Variants in MDGA2 observed in about 807,000 individuals in gnomAD.
MDGA2 encodes MAM domain containing glycosylphosphatidylinositol anchor 2, also known as MAM domain-containing glycosylphosphatidylinositol anchor protein 2.
MDGA2 carries 40 observed loss-of-function variants against 117.8 expected under a neutral mutation model. The ratio of observed to expected loss-of-function variants is 0.34; its 90% CI spans 0.26 to 0.44. The LOEUF (loss-of-function observed/expected upper bound fraction) is 0.44. Ranked by LOEUF, MDGA2 falls within the 20% of genes least tolerant of loss-of-function variation. MDGA2 has a pLI of 1.00. For missense variants in MDGA2, 1,123 were observed against 1,250.6 expected, an observed-to-expected ratio of 0.90 and a Z score of 1.54; for synonymous variants, 452 against 439.0, an observed-to-expected ratio of 1.03 and a Z score of -0.37.
intron 1 of MDGA2, among the ~76,000 whole-genome samples, chr14:47,503,809 T>C (rs776417173): frequency 1.4e-4 from 22 of 152,310 alleles, no homozygotes; most frequent in Non-Finnish European, 2.8e-4. Flanking sequence ...CTCTGGAATA[T>C]GGTTGAGTGG....
At chr14:47,141,029 C>T (rs928497283) in intron 4 of MDGA2, among the ~76,000 whole-genome samples, 2 of 152,004 alleles carry the variant, frequency 1.3e-5, no homozygotes, top group East Asian at 1.9e-4. Context: ...AAATGACCAA[C>T]AGTTATGTGA....
chr14:46,996,962 G>T, intron 8 of MDGA2: 2 of 403,176 alleles, frequency 5.0e-6, no homozygotes, highest in South Asian at 4.4e-5. Flanking sequence ...AACTTTGGTG[G>T]GAATAGCTTC....
chr14:47,268,925 T>G (rs1234684072), intron 2 of MDGA2, among the ~76,000 whole-genome samples: 1 of 131,608 alleles, frequency 7.6e-6, no homozygotes, highest in Non-Finnish European at 1.6e-5. Flanking sequence ...TATGCTTTAC[T>G]TTTTCTGTAA....
intron 1 of MDGA2, among the ~76,000 whole-genome samples, chr14:47,461,265 A>ATGTGTGTGTG (rs1415422668): frequency 1.7e-3 from 23 of 13,298 alleles, no homozygotes; most frequent in South Asian, 9.4e-3. Context: ...AGTTAAAAAA[A>ATGTGTGTGTG]TGTATGTGTG....
chr14:47,297,171 T>C (rs1279648007), intron 2 of MDGA2, among the ~76,000 whole-genome samples: 1 of 152,172 alleles, frequency 6.6e-6, no homozygotes, highest in South Asian at 2.1e-4. Context: ...ATCTCACTTA[T>C]TAAAAATGGA....
chr14:47,443,625 A>G (rs1160002774), intron 1 of MDGA2, among the ~76,000 whole-genome samples: 1 of 152,190 alleles, frequency 6.6e-6, no homozygotes, highest in Non-Finnish European at 1.5e-5. Flanking sequence ...TGTTTTTATA[A>G]TAAAAGAATA....
chr14:47,268,447 T>C (rs1222558449), intron 2 of MDGA2, among the ~76,000 whole-genome samples: 1 of 152,126 alleles, frequency 6.6e-6, no homozygotes, highest in African/African-American at 2.4e-5. Flanking sequence ...AAAAGAATGA[T>C]ACTAAAAGAA....
At chr14:47,066,224 G>T (rs1445574076) in intron 6 of MDGA2, among the ~76,000 whole-genome samples, 1 of 152,050 alleles carries the variant, frequency 6.6e-6, no homozygotes, top group African/African-American at 2.4e-5. Flanking sequence ...CTTCTTCATT[G>T]CCCCCAAATC....
intron 1 of MDGA2, among the ~76,000 whole-genome samples, chr14:47,630,599 A>C (rs1897237420): frequency 6.6e-6 from 1 of 152,208 alleles, no homozygotes; most frequent in Non-Finnish European, 1.5e-5. Flanking sequence ...CAGTTGTCTA[A>C]ATATTAAAAA....
intron 9 of MDGA2, among the ~76,000 whole-genome samples, chr14:46,949,435 A>AGT (rs1411715714): frequency 6.6e-6 from 1 of 151,930 alleles, no homozygotes; most frequent in African/African-American, 2.4e-5. Flanking sequence ...TTGGGCTTCT[A>AGT]GTGTACCCAT....
chr14:47,202,839 G>A (rs991991783), intron 3 of MDGA2, among the ~76,000 whole-genome samples: 2 of 149,262 alleles, frequency 1.3e-5, no homozygotes, highest in Non-Finnish European at 3.0e-5. Context: ...CAAGTTAGTA[G>A]CACATAATAC....
At chr14:47,017,556 C>T (rs1888128678) in intron 8 of MDGA2, among the ~76,000 whole-genome samples, 1 of 151,650 alleles carries the variant, frequency 6.6e-6, no homozygotes, top group African/African-American at 2.4e-5. Context: ...AGAGCAGGAA[C>T]ATTTATATAA....
intron 1 of MDGA2, among the ~76,000 whole-genome samples, chr14:47,543,427 G>A (rs1225590795): frequency 1.3e-5 from 2 of 152,122 alleles, no homozygotes; most frequent in Non-Finnish European, 2.9e-5. Context: ...GTCTTAAGAT[G>A]TACAAGCAGA....
intron 2 of MDGA2, among the ~76,000 whole-genome samples, chr14:47,288,066 A>C (rs563466687): frequency 1.7e-4 from 26 of 152,268 alleles, no homozygotes; most frequent in African/African-American, 6.3e-4. Context: ...GAGGGAATAC[A>C]TTCCTGTTTT....
At chr14:47,060,383 G>A (rs541885303) in intron 7 of MDGA2, among the ~76,000 whole-genome samples, 6 of 152,082 alleles carry the variant, frequency 3.9e-5, no homozygotes, top group Admixed American at 3.9e-4. Flanking sequence ...GATACAAAAC[G>A]CTGCCTGATC....
intron 2 of MDGA2, among the ~76,000 whole-genome samples, chr14:47,290,129 C>T (rs887725062): frequency 2.6e-5 from 4 of 152,096 alleles, no homozygotes; most frequent in Admixed American, 6.6e-5. Flanking sequence ...TAGCCCTATA[C>T]TGCTATGCTC....
chr14:47,211,160 G>A (rs925542956), intron 3 of MDGA2, among the ~76,000 whole-genome samples: 9 of 151,846 alleles, frequency 5.9e-5, no homozygotes, highest in East Asian at 1.9e-4. Flanking sequence ...ACCCACCATC[G>A]TAACCACTAG....
chr14:47,508,439 G>C (rs1243153986), intron 1 of MDGA2, among the ~76,000 whole-genome samples: 1 of 150,424 alleles, frequency 6.6e-6, no homozygotes, highest in Non-Finnish European at 1.5e-5. Context: ...ATATGAATGA[G>C]AAACAGAAGG....
chr14:47,572,236 T>G (rs1247985522), intron 1 of MDGA2, among the ~76,000 whole-genome samples: 2 of 152,210 alleles, frequency 1.3e-5, no homozygotes, highest in African/African-American at 4.8e-5. Flanking sequence ...GCGTGTACAG[T>G]GACTATGAAC....
Sources: gnomAD v4.1 joint callset for allele counts (sites outside exome capture counted in the v4.1 genomes callset) on GRCh38, gnomAD v4.1.1 for gene constraint, MANE v1.5 for transcripts, NCBI Gene and HGNC (gene_info 2026-07-23, HGNC 2026-07-21) for gene names.